CTNND2: variants seen among roughly 807,000 people sequenced by gnomAD.
CTNND2 encodes the protein catenin delta-2.
Under a neutral mutation model 144.4 loss-of-function variants are expected in CTNND2, and 22 were observed. The ratio of observed to expected loss-of-function variants is 0.15; its 90% CI spans 0.11 to 0.22. CTNND2 has a LOEUF of 0.22. Among genes scored for constraint, CTNND2 ranks in the 10% least tolerant of loss-of-function variants. The pLI, the probability that CTNND2 is intolerant of heterozygous loss-of-function variation, is 1.00. For synonymous variants in CTNND2, 751 were observed against 695.6 expected (o/e 1.08, Z -1.25); for missense variants, 1,353 against 1,618.8 (o/e 0.84, Z 2.82).
intron 1 of CTNND2, among the ~76,000 whole-genome samples, chr5:11,854,379 T>G (rs544863861): frequency 6.6e-6 from 1 of 152,344 alleles, no homozygotes; most frequent in Admixed American, 6.5e-5. Context: ...GTTTGCTGTT[T>G]ATTGTCACCC....
intron 3 of CTNND2, among the ~76,000 whole-genome samples, chr5:11,416,429 A>G (rs1236500870): frequency 1.3e-5 from 2 of 152,208 alleles, no homozygotes; most frequent in Non-Finnish European, 2.9e-5. Flanking sequence ...CACAGTTAAA[A>G]TGCATTAAAA....
chr5:11,147,756 G>A (rs1757383424), intron 12 of CTNND2, among the ~76,000 whole-genome samples: 1 of 152,040 alleles, frequency 6.6e-6, no homozygotes, highest in Non-Finnish European at 1.5e-5. Flanking sequence ...TAATGGAGGT[G>A]AACATACAGA....
At chr5:11,292,460 T>A (rs1240856374) in intron 9 of CTNND2, among the ~76,000 whole-genome samples, 1 of 137,092 alleles carries the variant, frequency 7.3e-6, no homozygotes, top group African/African-American at 2.6e-5. Flanking sequence ...AATCCCCATG[T>A]GTGGAGGGCG....
At chr5:11,258,847 T>A (rs779131042) in intron 9 of CTNND2, among the ~76,000 whole-genome samples, 6 of 152,222 alleles carry the variant, frequency 3.9e-5, no homozygotes, top group Non-Finnish European at 7.3e-5. Context: ...CCATATCTTT[T>A]TTCTTTCTTA....
chr5:11,378,592 T>A (rs938646373), intron 7 of CTNND2, among the ~76,000 whole-genome samples: 10 of 152,210 alleles, frequency 6.6e-5, no homozygotes. Flanking sequence ...GCGCAATGCT[T>A]GTCCACAGCA....
At chr5:11,023,842 T>G (rs1418065371) in intron 16 of CTNND2, among the ~76,000 whole-genome samples, 1 of 152,242 alleles carries the variant, frequency 6.6e-6, no homozygotes, top group East Asian at 1.9e-4. Context: ...GCATTACCAA[T>G]AGCCCTGCAA....
intron 3 of CTNND2, among the ~76,000 whole-genome samples, chr5:11,492,503 ATATGTGTG>A (rs1160746195): frequency 2.8e-3 from 349 of 122,650 alleles, no homozygotes; most frequent in African/African-American, 0.012. Flanking sequence ...ATATATATAT[ATATGTGTG>A]TGTGTGTGTG....
At chr5:11,783,196 A>G (rs995950519) in intron 1 of CTNND2, among the ~76,000 whole-genome samples, 3 of 152,184 alleles carry the variant, frequency 2.0e-5, no homozygotes, top group Non-Finnish European at 4.4e-5. Flanking sequence ...CGAGGGAGCC[A>G]AGAGAATGCA....
chr5:11,722,235 A>C (rs1358587586), intron 2 of CTNND2, among the ~76,000 whole-genome samples: 1 of 152,234 alleles, frequency 6.6e-6, no homozygotes, highest in African/African-American at 2.4e-5. Context: ...CACATGAGCC[A>C]GGGACAAGAA....
At chr5:11,807,734 G>A (rs953889218) in intron 1 of CTNND2, among the ~76,000 whole-genome samples, 6 of 152,138 alleles carry the variant, frequency 3.9e-5, no homozygotes, top group South Asian at 2.1e-4. Context: ...GTACTAAGAC[G>A]CACGGACAGA....
At chr5:11,824,093 C>CA (rs1189701479) in intron 1 of CTNND2, among the ~76,000 whole-genome samples, 9,113 of 58,054 alleles carry the variant, frequency 0.16, 617 homozygotes, top group African/African-American at 0.17. Context: ...CAGAGTGTCT[C>CA]AAAAAAAAAA....
chr5:11,622,677 C>T (rs1780911732), intron 2 of CTNND2, among the ~76,000 whole-genome samples: 1 of 152,096 alleles, frequency 6.6e-6, no homozygotes, highest in Admixed American at 6.6e-5. Context: ...TCTGCCCCCA[C>T]AAAAGCATGG....
intron 1 of CTNND2, among the ~76,000 whole-genome samples, chr5:11,864,882 CCTTTTTT>C (rs1795676588): frequency 8.6e-6 from 1 of 116,218 alleles, no homozygotes; most frequent in Non-Finnish European, 1.7e-5. Context: ...TCTTCTTCTT[CCTTTTTT>C]TTTTTTTTTT....
At chr5:11,777,375 A>C (rs1790315300) in intron 1 of CTNND2, among the ~76,000 whole-genome samples, 1 of 152,250 alleles carries the variant, frequency 6.6e-6, no homozygotes, top group African/African-American at 2.4e-5. Flanking sequence ...TTCTTCAGTC[A>C]TATCTACCTT....
chr5:11,831,870 AT>A, intron 1 of CTNND2, among the ~76,000 whole-genome samples: 1 of 152,288 alleles, frequency 6.6e-6, no homozygotes, highest in Non-Finnish European at 1.5e-5. Context: ...CATAGATCTA[AT>A]GTAAAAGTTA....
chr5:11,799,116 TTTG>T (rs1430070950), intron 1 of CTNND2, among the ~76,000 whole-genome samples: 4 of 152,150 alleles, frequency 2.6e-5, no homozygotes, highest in Non-Finnish European at 4.4e-5. Context: ...ATACTAAAGA[TTTG>T]TAAAAATCTT....
intron 16 of CTNND2, among the ~76,000 whole-genome samples, chr5:11,077,505 C>A (rs974432872): frequency 6.6e-6 from 1 of 152,142 alleles, no homozygotes; most frequent in Non-Finnish European, 1.5e-5. Flanking sequence ...TCACAGTCAA[C>A]CAGTGGCCTC....
intron 2 of CTNND2, chr5:11,588,721 T>C (rs1476756923): frequency 1.8e-5 from 18 of 981,450 alleles, no homozygotes; most frequent in Non-Finnish European, 2.2e-5. Context: ...TAGTTTTCAC[T>C]TTTTGTCTTT....
chr5:11,125,887 A>C (rs184062164), intron 12 of CTNND2, among the ~76,000 whole-genome samples: 2 of 152,378 alleles, frequency 1.3e-5, no homozygotes, highest in Admixed American at 1.3e-4. Context: ...CCATGTAGGT[A>C]AGATTCTGTT....
Sources: gnomAD v4.1 joint callset for allele counts (sites outside exome capture counted in the v4.1 genomes callset) on GRCh38, gnomAD v4.1.1 for gene constraint, MANE v1.5 for transcripts, NCBI Gene and HGNC (gene_info 2026-07-23, HGNC 2026-07-21) for gene names.